Variants in BAZ1A observed in about 807,000 individuals in gnomAD.
BAZ1A encodes the protein bromodomain adjacent to zinc finger domain protein 1A.
Under a neutral mutation model 185.2 loss-of-function variants are expected in BAZ1A, and 50 were observed. The observed-to-expected ratio is 0.27, with a 90% CI of 0.22 to 0.34. The LOEUF (loss-of-function observed/expected upper bound fraction) is 0.34. Ranked by LOEUF, BAZ1A falls within the 10% of genes least tolerant of loss-of-function variation. BAZ1A has a pLI of 1.00. For missense variants in BAZ1A, 1,356 were observed against 1,839.9 expected, an observed-to-expected ratio of 0.74 and a Z score of 4.81; for synonymous variants, 571 against 615.6, an observed-to-expected ratio of 0.93 and a Z score of 1.07.
rs758608311 is a variant in BAZ1A at position 34,862,106 on chromosome 14, T to A, written c.330A>T (p.Ala110=). 2.6e-5 allele frequency: 42 copies of A among 1,614,070 alleles called. No homozygotes were observed. Among genetic ancestry groups the A allele is most frequent in the Admixed American group, 5.0e-5 (3 of 59,996 alleles). Reference sequence around the variant, plus strand: ...CGACAAAATATCGATCCTTGACATATGCAAAGATATCATCACAAATTTCAT... The same window carrying A: ...CGACAAAATATCGATCCTTGACATAAGCAAAGATATCATCACAAATTTCAT... ...RLHEICDDIF[A]YVKDRYFVEE... Residue 110 remains alanine (A), a synonymous_variant, in exon 3 of 27, where the codon GCA becomes GCT. Transcript: ENST00000360310.
intron 4 of BAZ1A, among the ~76,000 whole-genome samples, chr14:34,823,412 C>A (rs2042116765): frequency 6.6e-6 from 1 of 151,648 alleles, no homozygotes; most frequent in African/African-American, 2.4e-5. Flanking sequence ...GTAATCCCAG[C>A]ACTTTGGGAG....
intron 3 of BAZ1A, among the ~76,000 whole-genome samples, chr14:34,832,209 C>CATATATATATATATATATATATAT (rs1346957821): frequency 3.1e-5 from 2 of 64,012 alleles, no homozygotes; most frequent in African/African-American, 1.0e-4. Context: ...CACACACACA[C>CATATATATATATATATATATATAT]ACACACATAT....
intron 24 of BAZ1A, among the ~76,000 whole-genome samples, chr14:34,759,184 T>TTTGTTTGTTTTG (rs1555336961): frequency 2.8e-5 from 3 of 108,108 alleles, no homozygotes; most frequent in South Asian, 3.7e-4. Flanking sequence ...TTTTTTTTTT[T>TTTGTTTGTTTTG]TTTTTTTTTT....
chr14:34,752,967 CTAAA>C lies in BAZ1A; in HGVS notation c.*537_*540del, dbSNP rs952831371. On this transcript the variant is annotated 3_prime_UTR_variant, in exon 27 of 27. Transcript: ENST00000360310. ...ACAAATTCACAAATTACTCTCAATA[CTAAA>C]TAAATATCTAGTTAATAAACTTGGA... is the stretch of plus-strand genomic sequence containing the variant. 2.6e-5 allele frequency: 4 copies of C among 152,518 alleles called. No homozygotes were observed. Among genetic ancestry groups the C allele is most frequent in the Non-Finnish European group, 5.9e-5 (4 of 68,026 alleles). 9.4% of individuals were successfully genotyped at this position (152,518 alleles called of 1,614,324 possible).
chr14:34,755,320 C>A (rs866126376), intron 25 of BAZ1A, among the ~76,000 whole-genome samples: 1 of 152,130 alleles, frequency 6.6e-6, no homozygotes, highest in African/African-American at 2.4e-5. Flanking sequence ...CTCATTCTTG[C>A]TCTAGAAGTC....
intron 3 of BAZ1A, among the ~76,000 whole-genome samples, chr14:34,838,777 G>A (rs1318315723): frequency 6.6e-6 from 1 of 151,898 alleles, no homozygotes; most frequent in Non-Finnish European, 1.5e-5. Flanking sequence ...CACCCACCTC[G>A]GCCTCCCAAA....
chr14:34,824,081 A>G (rs1566581311), intron 4 of BAZ1A, among the ~76,000 whole-genome samples: 1 of 151,844 alleles, frequency 6.6e-6, no homozygotes, highest in Non-Finnish European at 1.5e-5. Flanking sequence ...GGTTAATAGT[A>G]GCAAGTTGGC....
chr14:34,812,186 G>A (rs1041545783), intron 4 of BAZ1A, among the ~76,000 whole-genome samples: 3 of 150,858 alleles, frequency 2.0e-5, no homozygotes, highest in Non-Finnish European at 2.9e-5. Context: ...TAAGTTGACC[G>A]AGTATGCCTT....
At chr14:34,780,351 A>G in intron 16 of BAZ1A, 41 bp from the exon 17 acceptor site, 6 of 1,560,226 alleles carry the variant, frequency 3.8e-6, no homozygotes, top group East Asian at 2.3e-5. Flanking sequence ...TAATGAATAT[A>G]TAATTCCATT....
In BAZ1A at chr14:34,833,507, G is replaced by A. The variant is rs1192527904; in HGVS notation, c.393-7351C>T. On this transcript the variant is annotated intron_variant, in intron 3 of 26. Transcript: ENST00000360310. ...CACACCACTGCACTCCAGCTTGTGC[G>A]ACAGAGCGAGACTCCATCTCACAAA... Among the ~76,000 whole-genome samples the A allele has an allele frequency of 3.3e-5, 5 of 152,100 alleles. No individual in the cohort carries two copies. The East Asian group carries it at 5.8e-4, about 18-fold the overall frequency.
chr14:34,857,847 G>T (rs956430479), intron 3 of BAZ1A, among the ~76,000 whole-genome samples: 1 of 152,086 alleles, frequency 6.6e-6, no homozygotes, highest in East Asian at 1.9e-4. Context: ...CCTTCATTCT[G>T]TTCTCAGAGT....
chr14:34,784,306 T>C (rs991053526), intron 14 of BAZ1A, among the ~76,000 whole-genome samples: 15 of 133,866 alleles, frequency 1.1e-4, no homozygotes, highest in African/African-American at 4.4e-4. Flanking sequence ...AGGCGGAGGT[T>C]GCGTTGCGCC....
rs568928155 is a variant in BAZ1A, at chr14:34,790,564, G to A, written c.1510+2211C>T. ...AGATGGGGTTTCACCATGTTGGTCAGGCTGGTCTTGAACTCCTGACCTTAA... is the reference window on the plus strand; with the variant it reads ...AGATGGGGTTTCACCATGTTGGTCAAGCTGGTCTTGAACTCCTGACCTTAA... On this transcript the variant is annotated intron_variant, in intron 12 of 26. Coordinates refer to ENST00000360310, the MANE Select transcript of BAZ1A (RefSeq NM_013448.3). Among the ~76,000 whole-genome samples the A allele has an allele frequency of 1.4e-4, 22 of 152,040 alleles. No individual in the cohort carries two copies. The East Asian group carries it at 4.3e-3, about 30-fold the overall frequency.
In BAZ1A at chr14:34,780,272, CTCT is replaced by C; in HGVS notation, c.2147_2149del (p.Glu716_Ser717delinsGly). The C allele has an allele frequency of 6.2e-7, 1 of 1,613,182 alleles. No homozygotes were observed. Reference sequence around the variant, plus strand: ...TAATTCCTTTTGCTCTGTGTCTTTGCTCTCAATGCTAGTATCAAAATCTTCCCT... The same window carrying C: ...TAATTCCTTTTGCTCTGTGTCTTTGCCAATGCTAGTATCAAAATCTTCCCT... On this transcript the variant is annotated inframe_deletion, in exon 17 of 27. Transcript: ENST00000360310.
intron 2 of BAZ1A, among the ~76,000 whole-genome samples, chr14:34,869,201 C>T (rs1161734357): frequency 1.3e-5 from 2 of 151,406 alleles, no homozygotes; most frequent in East Asian, 1.9e-4. Flanking sequence ...GGCCAGACTC[C>T]GTCTCAAAAT....
intron 11 of BAZ1A, among the ~76,000 whole-genome samples, chr14:34,793,660 T>C (rs969116080): frequency 2.0e-5 from 3 of 150,256 alleles, no homozygotes; most frequent in Admixed American, 1.3e-4. Context: ...TACAAAAAAA[T>C]TGGGCCAGGT....
At chr14:34,784,817 CA>C (rs1307079820) in intron 14 of BAZ1A, among the ~76,000 whole-genome samples, 3 of 148,188 alleles carry the variant, frequency 2.0e-5, no homozygotes, top group African/African-American at 5.0e-5. Flanking sequence ...CGCGCCTGGC[CA>C]AAAAAAAATA....
At chr14:34,799,485 A>C (rs1235684040) in intron 9 of BAZ1A, among the ~76,000 whole-genome samples, 1 of 152,332 alleles carries the variant, frequency 6.6e-6, no homozygotes, top group Non-Finnish European at 1.5e-5. Flanking sequence ...GAAATCTCTG[A>C]AAATGGCTGA....
At chr14:34,829,606 C>T (rs2042211867) in intron 3 of BAZ1A, among the ~76,000 whole-genome samples, 1 of 152,066 alleles carries the variant, frequency 6.6e-6, no homozygotes, top group Non-Finnish European at 1.5e-5. Flanking sequence ...CCTACCATTC[C>T]TACAATTTTG....
Sources: gnomAD v4.1 joint callset for allele counts (sites outside exome capture counted in the v4.1 genomes callset) on GRCh38, gnomAD v4.1.1 for gene constraint, MANE v1.5 for transcripts, NCBI Gene and HGNC (gene_info 2026-07-23, HGNC 2026-07-21) for gene names.